IZUMO3: variants seen among roughly 807,000 people sequenced by gnomAD.
IZUMO3 encodes the protein izumo sperm-egg fusion protein 3.
A neutral mutation model predicts 28.4 loss-of-function variants in IZUMO3; 36 were observed. The observed-to-expected ratio is 1.27, with a 90% CI of 0.97 to 1.67. The LOEUF (loss-of-function observed/expected upper bound fraction) is 1.67, where lower values mean the gene tolerates loss of function less well. Ranked by LOEUF, IZUMO3 falls within the 40% of genes most tolerant of loss-of-function variation. IZUMO3 has a pLI of 0.00. For missense variants in IZUMO3, 387 were observed against 278.5 expected, an observed-to-expected ratio of 1.39 and a Z score of -2.77; for synonymous variants, 126 against 99.2, an observed-to-expected ratio of 1.27 and a Z score of -1.61.
rs762334806 is a variant in IZUMO3, at chr9:24,543,214, T to C, written c.*15A>G. On this transcript the variant is annotated 3_prime_UTR_variant, in exon 7 of 7. Transcript: ENST00000543880. ...TAAGAGAATCATGAAAGACTTCTTGTCCATGTTGATGTGTTTATTTTCTGA... is the reference window on the plus strand; with the variant it reads ...TAAGAGAATCATGAAAGACTTCTTGCCCATGTTGATGTGTTTATTTTCTGA... 8.4e-5 allele frequency: 129 copies of C among 1,530,430 alleles called. No individual in the cohort carries two copies. In the Admixed American group the frequency reaches 2.5e-3, roughly 30 times the overall value. The allele number at this position is 1,530,430 out of a possible 1,614,324, so 94.8% of individuals were successfully genotyped here.
intron 5 of IZUMO3, among the ~76,000 whole-genome samples, 186 bp from the exon 6 acceptor site, chr9:24,543,940 G>A (rs1819520644): frequency 6.6e-6 from 1 of 152,120 alleles, no homozygotes; most frequent in African/African-American, 2.4e-5. Context: ...GTTGCTGATA[G>A]CTGTCAGCAA....
rs560130295 is a variant in IZUMO3, at chr9:24,544,955, T to C, written c.391+17A>G. The C allele has an allele frequency of 3.3e-6, 5 of 1,515,568 alleles. No homozygotes were observed. In the Admixed American group the frequency reaches 5.9e-5, roughly 18 times the overall value. 93.9% of individuals were successfully genotyped at this position (1,515,568 alleles called of 1,614,324 possible). Reference sequence around the variant, plus strand: ...TTCATATAACTTCAGTGCTGTTATATAGAAAGTTTTACTTACCAATTTCAG... The same window carrying C: ...TTCATATAACTTCAGTGCTGTTATACAGAAAGTTTTACTTACCAATTTCAG... On this transcript the variant is annotated intron_variant, in intron 3 of 6. Transcript: ENST00000543880.
rs145987401 is a variant in IZUMO3 at position 24,545,098 on chromosome 9, T to G, written c.302-37A>C. 15 of 1,477,486 alleles carry G rather than the reference T, an allele frequency of 1.0e-5. No individual in the cohort carries two copies. The African/African-American group carries it at 1.4e-4, about 14-fold the overall frequency. 91.5% of individuals were successfully genotyped at this position (1,477,486 alleles called of 1,614,324 possible). A position where few individuals can be genotyped will look rare whatever the true frequency, so the allele number is the denominator to read the frequency against. On this transcript the variant is annotated intron_variant, in intron 2 of 6. Coordinates refer to ENST00000543880, the MANE Select transcript of IZUMO3 (RefSeq NM_001365008.2). ...TGGAAGGGGTGTCAAAAAATAGAAG[T>G]AGCTCTTCCCTTCAGAAGTTAATTA...
At position 24,545,882 on chromosome 9, in the gene IZUMO3, C is replaced by T. The variant is rs555831449; in HGVS notation, c.-233G>A. 6.1e-5 allele frequency: 91 copies of T among 1,496,938 alleles called. No individual in the cohort carries two copies. In the African/African-American group the frequency reaches 1.2e-3, roughly 19 times the overall value. 92.7% of individuals were successfully genotyped at this position (1,496,938 alleles called of 1,614,324 possible). On this transcript the variant is annotated 5_prime_UTR_variant, in exon 1 of 7. Coordinates refer to ENST00000543880, the MANE Select transcript of IZUMO3 (RefSeq NM_001365008.2). The stretch of plus-strand genomic sequence containing the variant: ...GGAGAGGGAACTGCCAGCTGGGGAG[C>T]GGATACCTGAGTTCTGAGTGTAGAA...
chr9:24,543,016 A>T lies in IZUMO3; in HGVS notation c.*213T>A. ...CTGTGCATTGCAACATACCAGCATTACTTTCTGTACAACTCTGGCCAAATT... is the reference window on the plus strand; with the variant it reads ...CTGTGCATTGCAACATACCAGCATTTCTTTCTGTACAACTCTGGCCAAATT... On this transcript the variant is annotated 3_prime_UTR_variant, in exon 7 of 7. Coordinates refer to ENST00000543880, the MANE Select transcript of IZUMO3 (RefSeq NM_001365008.2). 2.5e-6 allele frequency: 1 copy of T among 406,734 alleles called. No individual in the cohort carries two copies. Among genetic ancestry groups the T allele is most frequent in the Non-Finnish European group, 4.3e-6 (1 of 231,440 alleles). The allele number at this position is 406,734 out of a possible 1,614,324, so 25.2% of individuals were successfully genotyped here. A position where few individuals can be genotyped will look rare whatever the true frequency, so the allele number is the denominator to read the frequency against.
intron 6 of IZUMO3, 83 bp from the exon 7 acceptor site, chr9:24,543,450 T>TTTTTTTG (rs1819503622): frequency 1.2e-6 from 1 of 818,318 alleles, no homozygotes; most frequent in Non-Finnish European, 1.6e-6. Context: ...TTTTTTTTTT[T>TTTTTTTG]TTTTTTTTTT....
At chr9:24,544,308 C>A (rs1819530046) in intron 4 of IZUMO3, 27 bp from the exon 5 acceptor site, 1 of 1,488,898 alleles carries the variant, frequency 6.7e-7, no homozygotes. Flanking sequence ...GAAAGATAAT[C>A]AGAAAGAGGG....
Position 24,543,027 on chromosome 9 carries a change from A to G in IZUMO3, c.*202T>C. Reference sequence around the variant, plus strand: ...AACATACCAGCATTACTTTCTGTACAACTCTGGCCAAATTATTTGCTCTCC... The same window carrying G: ...AACATACCAGCATTACTTTCTGTACGACTCTGGCCAAATTATTTGCTCTCC... On this transcript the variant is annotated 3_prime_UTR_variant, in exon 7 of 7. Transcript: ENST00000543880. 2.3e-6 allele frequency: 1 copy of G among 442,684 alleles called. No individual in the cohort carries two copies. Among genetic ancestry groups the G allele is most frequent in the Non-Finnish European group, 3.9e-6 (1 of 253,792 alleles). 27.4% of individuals were successfully genotyped at this position (442,684 alleles called of 1,614,324 possible). A position where few individuals can be genotyped will look rare whatever the true frequency, so the allele number is the denominator to read the frequency against.
At position 24,543,276 on chromosome 9, in the gene IZUMO3, C is replaced by T. The variant is rs1192538008; in HGVS notation, c.673G>A (p.Gly225Arg). Residue 225 changes from glycine to arginine, a missense_variant, in exon 7 of 7, where the codon GGG becomes AGG. Transcript: ENST00000543880. ...YVEKKLEELM[G>R]KIDEKEEKDF... ...TTCTCCTCCTTCTCATCTATCTTCC[C>T]CATTAATTCTTCAAGTTTCTTCTCC... 6.5e-7 allele frequency: 1 copy of T among 1,548,146 alleles called. No homozygotes were observed. Among genetic ancestry groups the T allele is most frequent in the South Asian group, 1.2e-5 (1 of 83,920 alleles).
chr9:24,544,610 C>T (rs183753937), intron 4 of IZUMO3, 133 bp downstream of exon 4: 88 of 770,276 alleles, frequency 1.1e-4, no homozygotes, highest in Admixed American at 6.2e-4. Flanking sequence ...GTATTGTTGA[C>T]GTTACCCCTT....
chr9:24,545,537 T>A lies in IZUMO3; in HGVS notation c.113A>T (p.Asn38Ile), dbSNP rs1226560681. 1 of 1,535,336 alleles carries A rather than the reference T, an allele frequency of 6.5e-7. No individual in the cohort carries two copies. The highest frequency in any genetic ancestry group is 8.7e-7 in the Non-Finnish European group (1 of 1,146,708). Reference protein sequence around the residue: ...FIEDVGSLLGNLIPSEVPGRT... With the variant: ...FIEDVGSLLGILIPSEVPGRT... Reference sequence around the variant, plus strand: ...GCCGGGGACTTCTGAAGGTATCAGATTTCCCAGCAAGGAGCCAACATCCTC... The same window carrying A: ...GCCGGGGACTTCTGAAGGTATCAGAATTCCCAGCAAGGAGCCAACATCCTC... The change falls in exon 1 of 7, where the codon AAT (asparagine) becomes ATT (isoleucine). Residue 38 changes from asparagine to isoleucine, a missense_variant. Transcript: ENST00000543880.
Position 24,543,263 on chromosome 9 carries a change from T to G in IZUMO3, c.686A>C (p.Glu229Ala). 6.5e-7 allele frequency: 1 copy of G among 1,547,696 alleles called. No individual in the cohort carries two copies. Among genetic ancestry groups the G allele is most frequent in the Non-Finnish European group, 8.7e-7 (1 of 1,145,440 alleles). ...KLEELMGKID[E>A]KEEKDFRLRK ...GAGTCTAAAGTCTTTCTCCTCCTTC[T>G]CATCTATCTTCCCCATTAATTCTTC... The change falls in exon 7 of 7, where the codon GAG becomes GCG. Residue 229 changes from glutamate (E) to alanine (A), a missense_variant. Transcript: ENST00000543880.
chr9:24,543,258 C>T lies in IZUMO3; in HGVS notation c.691G>A (p.Glu231Lys), dbSNP rs547575673. The change falls in exon 7 of 7, where the codon GAG becomes AAG. Residue 231 changes from glutamate to lysine, a missense_variant. Coordinates refer to ENST00000543880, the MANE Select transcript of IZUMO3 (RefSeq NM_001365008.2). ...EELMGKIDEK[E>K]EKDFRLRK ...TTTCTGAGTCTAAAGTCTTTCTCCTCCTTCTCATCTATCTTCCCCATTAAT... is the reference window on the plus strand; with the variant it reads ...TTTCTGAGTCTAAAGTCTTTCTCCTTCTTCTCATCTATCTTCCCCATTAAT... 1.3e-6 allele frequency: 2 copies of T among 1,546,592 alleles called. No homozygotes were observed. The highest frequency in any genetic ancestry group is 2.7e-5 in the African/African-American group (2 of 72,924).
In IZUMO3 at chr9:24,543,366, A is replaced by G. The variant is rs946343813; in HGVS notation, c.583T>C (p.Phe195Leu). 1.1e-5 allele frequency: 17 copies of G among 1,527,730 alleles called. No individual in the cohort carries two copies. The highest frequency in any genetic ancestry group is 3.4e-4 in the Middle Eastern group (2 of 5,934). The allele number at this position is 1,527,730 out of a possible 1,614,324, so 94.6% of individuals were successfully genotyped here. A position where few individuals can be genotyped will look rare whatever the true frequency, so the allele number is the denominator to read the frequency against. Residue 195 changes from phenylalanine to leucine, a missense_variant and splice_region_variant, in exon 7 of 7, where the codon TTC becomes CTC. By Grantham distance (22) the Phe-to-Leu change is conservative. Coordinates refer to ENST00000543880, the MANE Select transcript of IZUMO3 (RefSeq NM_001365008.2). ...AVILGSAVLL[F>L]HFCIFHRRKM... ...CTCCGATGAAAGATGCAAAAATGGA[A>G]TCTAGAGTAGGAAAAGAAAATAATT...
Position 24,543,438 on chromosome 9 carries a change from G to GTTTTTTTT in IZUMO3, c.582-79_582-72dup, listed in dbSNP as rs33972842. On this transcript the variant is annotated intron_variant, in intron 6 of 6. Transcript: ENST00000543880. ...CCATTCTTTAAGCCAGTTATACATT[G>GTTTTTTTT]TTTTTTTTTTTTTTTTTTTTTTTTT... The GTTTTTTTT allele has an allele frequency of 3.5e-3, 132 of 37,792 alleles. 33 individuals are homozygous for GTTTTTTTT. Among genetic ancestry groups the GTTTTTTTT allele is most frequent in the Non-Finnish European group, 4.4e-3 (105 of 23,808 alleles). 2.3% of individuals were successfully genotyped at this position (37,792 alleles called of 1,614,324 possible). A position where few individuals can be genotyped will look rare whatever the true frequency, so the allele number is the denominator to read the frequency against.
intron 2 of IZUMO3, 49 bp from the exon 3 acceptor site, chr9:24,545,110 T>G: frequency 6.8e-7 from 1 of 1,477,578 alleles, no homozygotes; most frequent in Non-Finnish European, 9.2e-7. Flanking sequence ...GCTCTTCCCT[T>G]CAGAAGTTAA....
In IZUMO3 at chr9:24,543,255, C is replaced by T. The variant is rs1310645556; in HGVS notation, c.694G>A (p.Glu232Lys). 5 of 1,545,266 alleles carry T rather than the reference C, an allele frequency of 3.2e-6. No homozygotes were observed. Among genetic ancestry groups the T allele is most frequent in the Non-Finnish European group, 3.5e-6 (4 of 1,144,114 alleles). Residue 232 changes from glutamate (E) to lysine (K), a missense_variant, in exon 7 of 7, where the codon GAG (glutamate) becomes AAG (lysine). Physicochemically the swap from Glu to Lys is moderately conservative, Grantham distance 56 (BLOSUM62 1). Coordinates refer to ENST00000543880, the MANE Select transcript of IZUMO3 (RefSeq NM_001365008.2). ...ELMGKIDEKE[E>K]KDFRLRK ...TATTTTCTGAGTCTAAAGTCTTTCT[C>T]CTCCTTCTCATCTATCTTCCCCATT...
chr9:24,543,401 A>G (rs1191344318), intron 6 of IZUMO3, 34 bp from the exon 7 acceptor site: 4 of 1,410,524 alleles, frequency 2.8e-6, no homozygotes, highest in Admixed American at 2.2e-5. Context: ...TCCAACTTCA[A>G]TATCAGTAGC....
At chr9:24,545,087 A>C in intron 2 of IZUMO3, 26 bp from the exon 3 acceptor site, 1 of 1,504,688 alleles carries the variant, frequency 6.6e-7, no homozygotes, top group South Asian at 1.2e-5. Flanking sequence ...AGGGGTGTCA[A>C]AAAATAGAAG....
Sources: allele counts gnomAD v4.1 joint callset (sites outside exome capture counted in the v4.1 genomes callset), GRCh38; gene constraint gnomAD v4.1.1; transcripts MANE v1.5; gene names NCBI Gene and HGNC (gene_info 2026-07-23, HGNC 2026-07-21).